WDR26: variants seen among roughly 807,000 people sequenced by gnomAD.
The protein encoded by WDR26 is WD repeat domain 26, also known as WD repeat-containing protein 26.
A neutral mutation model predicts 84.1 loss-of-function variants in WDR26; 5 were observed. The ratio of observed to expected loss-of-function variants is 0.06; its 90% CI spans 0.03 to 0.13. WDR26 has a LOEUF of 0.13. WDR26 is among the 10% of genes least tolerant of loss of function. WDR26 has a pLI of 1.00. For missense variants in WDR26, 642 were observed against 974.9 expected, an observed-to-expected ratio of 0.66 and a Z score of 4.55; for synonymous variants, 415 against 389.6, an observed-to-expected ratio of 1.07 and a Z score of -0.77.
Position 224,389,667 on chromosome 1 carries a change from T to C in WDR26, c.*168A>G, listed in dbSNP as rs184822774. 1.4e-6 allele frequency: 1 copy of C among 695,248 alleles called. No individual in the cohort carries two copies. Among genetic ancestry groups the C allele is most frequent in the East Asian group, 2.8e-5 (1 of 35,792 alleles). 43.1% of individuals were successfully genotyped at this position (695,248 alleles called of 1,614,324 possible). On this transcript the variant is annotated 3_prime_UTR_variant, in exon 14 of 14. Transcript: ENST00000414423. ...CGTGCTTCATCTCAACTGGTTACTA[T>C]GAAGCAAGGTGTAAATGTTTGGCCC...
Position 224,386,692 on chromosome 1 carries a change from C to T in WDR26, c.*3143G>A, listed in dbSNP as rs970686427. ...TTTCTCCTTTCAATTGCAGGATATT[C>T]TGATTATTTAAAGTTAGGGAATCCC... On this transcript the variant is annotated 3_prime_UTR_variant, in exon 14 of 14. Coordinates refer to ENST00000414423, the MANE Select transcript of WDR26 (RefSeq NM_001379403.1). 2 of 152,022 alleles carry T rather than the reference C, an allele frequency of 1.3e-5. No individual in the cohort carries two copies. The highest frequency in any genetic ancestry group is 2.4e-5 in the African/African-American group (1 of 41,388). The allele number at this position is 152,022 out of a possible 1,614,324, so 9.4% of individuals were successfully genotyped here. A position where few individuals can be genotyped will look rare whatever the true frequency, so the allele number is the denominator to read the frequency against.
chr1:224,434,730 C>G lies in WDR26; in HGVS notation c.-325G>C, dbSNP rs1022645196. On this transcript the variant is annotated 5_prime_UTR_variant, in exon 1 of 14. Coordinates refer to ENST00000414423, the MANE Select transcript of WDR26 (RefSeq NM_001379403.1). ...CGGGCGGCAGCGGAGGCAGCTGCCGCCTCTGTCCTCGGATCCGCTCCGCTC... is the reference window on the plus strand; with the variant it reads ...CGGGCGGCAGCGGAGGCAGCTGCCGGCTCTGTCCTCGGATCCGCTCCGCTC... 6 of 984,644 alleles carry G rather than the reference C, an allele frequency of 6.1e-6. No individual in the cohort carries two copies. The highest frequency in any genetic ancestry group is 1.8e-5 in the African/African-American group (1 of 57,000). 61.0% of individuals were successfully genotyped at this position (984,644 alleles called of 1,614,324 possible). A position where few individuals can be genotyped will look rare whatever the true frequency, so the allele number is the denominator to read the frequency against.
At chr1:224,392,801 A>G (rs1673163629) in intron 13 of WDR26, among the ~76,000 whole-genome samples, 1 of 152,170 alleles carries the variant, frequency 6.6e-6, no homozygotes, top group Non-Finnish European at 1.5e-5. Flanking sequence ...CACAAAGATA[A>G]AAGTGTAGGG....
intron 7 of WDR26, among the ~76,000 whole-genome samples, chr1:224,405,661 A>C (rs1673529803): frequency 6.6e-6 from 1 of 152,192 alleles, no homozygotes; most frequent in African/African-American, 2.4e-5. Flanking sequence ...AAAGTTTAGA[A>C]AGGTTAGAAA....
intron 4 of WDR26, among the ~76,000 whole-genome samples, 168 bp downstream of exon 4, chr1:224,424,350 G>C (rs1291023870): frequency 1.3e-5 from 2 of 152,062 alleles, no homozygotes; most frequent in Non-Finnish European, 2.9e-5. Context: ...ATCCTAATCT[G>C]AACAGTTTCC....
In WDR26 at chr1:224,433,957, G is replaced by A. The variant is rs1674504386; in HGVS notation, c.449C>T (p.Ala150Val). 1 of 1,532,172 alleles carries A rather than the reference G, an allele frequency of 6.5e-7. No homozygotes were observed. Among genetic ancestry groups the A allele is most frequent in the Non-Finnish European group, 8.7e-7 (1 of 1,143,438 alleles). The allele number at this position is 1,532,172 out of a possible 1,614,324, so 94.9% of individuals were successfully genotyped here. The stretch of plus-strand genomic sequence containing the variant: ...CCCATTGGCGTGGGCCAGGTCCCCC[G>A]CGGACGACGACGACGAGGGGGACGA... The change falls in exon 1 of 14, where the codon GCG becomes GTG. Residue 150 changes from alanine to valine, a missense_variant. Ala to Val is a moderately conservative substitution (Grantham distance 64). Around this residue, in one of 2 missense-constraint regions of WDR26, gnomAD observed 291 missense variants for 302.1 expected, o/e 0.96. Transcript: ENST00000414423.
rs186814058 is a variant in WDR26, at chr1:224,425,271, C to T, written c.928-617G>A. Reference sequence around the variant, plus strand: ...TTGAATTTCCTACAACTAACGTGGACAAGCATAAGCTTGATGCACTCACTC... The same window carrying T: ...TTGAATTTCCTACAACTAACGTGGATAAGCATAAGCTTGATGCACTCACTC... On this transcript the variant is annotated intron_variant, in intron 3 of 13. Transcript: ENST00000414423. 3.2e-3 allele frequency among the ~76,000 whole-genome samples: 482 copies of T among 152,314 alleles called. 1 individual carries two copies. Among genetic ancestry groups the T allele is most frequent in the Non-Finnish European group, 5.9e-3 (399 of 68,032 alleles).
Position 224,398,091 on chromosome 1 carries a change from AT to A in WDR26, c.2074+5del. Reference sequence around the variant, plus strand: ...ACATATGTAAACTGATAAGGACACAATTTACCTTCACTGCCACTAGCGATGA... The same window carrying A: ...ACATATGTAAACTGATAAGGACACAATTACCTTCACTGCCACTAGCGATGA... On this transcript the variant is annotated splice_donor_5th_base_variant and intron_variant, in intron 12 of 13. Coordinates refer to ENST00000414423, the MANE Select transcript of WDR26 (RefSeq NM_001379403.1). 6.2e-7 allele frequency: 1 copy of A among 1,612,430 alleles called. No individual in the cohort carries two copies.
In WDR26 at chr1:224,407,079, G is replaced by A. The variant is rs113719110; in HGVS notation, c.1459-2509C>T. ...GAAGGTTACAGTGAGCCAAGATTGCGCCACTGCACTCCAGCCTGGGCGACA... is the reference window on the plus strand; with the variant it reads ...GAAGGTTACAGTGAGCCAAGATTGCACCACTGCACTCCAGCCTGGGCGACA... On this transcript the variant is annotated intron_variant, in intron 7 of 13. Transcript: ENST00000414423. Among the ~76,000 whole-genome samples the A allele has an allele frequency of 9.3e-3, 1,182 of 126,894 alleles. 21 individuals are homozygous for A. The highest frequency in any genetic ancestry group is 0.034 in the African/African-American group (1,105 of 32,884). The allele number at this position is 126,894 out of a possible 152,430, so 83.2% of individuals were successfully genotyped here. A position where few individuals can be genotyped will look rare whatever the true frequency, so the allele number is the denominator to read the frequency against.
At chr1:224,419,047 T>C (rs1354817954) in intron 5 of WDR26, among the ~76,000 whole-genome samples, 1 of 152,192 alleles carries the variant, frequency 6.6e-6, no homozygotes, top group East Asian at 1.9e-4. Context: ...TATAGAATCA[T>C]ATAATTTTCA....
At chr1:224,413,740 C>G (rs1673804919) in intron 6 of WDR26, among the ~76,000 whole-genome samples, 1 of 152,194 alleles carries the variant, frequency 6.6e-6, no homozygotes, top group Non-Finnish European at 1.5e-5. Flanking sequence ...TTTCAAGGCA[C>G]TGCTGGACAA....
Position 224,424,536 on chromosome 1 carries a change from C to A in WDR26, c.1046G>T (p.Arg349Leu), listed in dbSNP as rs772952060. 6.2e-7 allele frequency: 1 copy of A among 1,613,890 alleles called. No individual in the cohort carries two copies. Among genetic ancestry groups the A allele is most frequent in the Non-Finnish European group, 8.5e-7 (1 of 1,179,850 alleles). ...TCCTTACCCACTAAGAACATGAATG[C>A]GCTCTGTATTGTATTTCAGCGGCGT... Residue 349 changes from arginine to leucine, a missense_variant, in exon 4 of 14, where the codon CGC becomes CTC. Physicochemically the swap from Arg to Leu is moderately radical, Grantham distance 102 (BLOSUM62 -2). This residue lies in a region of WDR26 where 351 missense variants were observed against 672.8 expected (regional missense o/e 0.52). Transcript: ENST00000414423.
At position 224,387,606 on chromosome 1, in the gene WDR26, TA is replaced by T. The variant is rs1482514817; in HGVS notation, c.*2228del. ...CAGATCTAGGGGTGGTTAGGTGAAG[TA>T]GAGTAGAATCTGAGTGCCAAATTGC... On this transcript the variant is annotated 3_prime_UTR_variant, in exon 14 of 14. Transcript: ENST00000414423. The T allele has an allele frequency of 6.6e-6, 1 of 152,614 alleles. No individual in the cohort carries two copies. The highest frequency in any genetic ancestry group is 1.5e-5 in the Non-Finnish European group (1 of 68,022). 9.5% of individuals were successfully genotyped at this position (152,614 alleles called of 1,614,324 possible).
chr1:224,433,612 C>T, intron 1 of WDR26, 72 bp downstream of exon 1: 1 of 900,960 alleles, frequency 1.1e-6, no homozygotes, highest in Non-Finnish European at 1.5e-6. Context: ...CCCCCTCCGC[C>T]CCTTCCCCTA....
chr1:224,401,138 A>G, intron 8 of WDR26, 69 bp from the exon 9 acceptor site: 2 of 1,465,070 alleles, frequency 1.4e-6, no homozygotes, highest in Non-Finnish European at 1.8e-6. Context: ...TGAGAAAAAA[A>G]AAATAACTGG....
chr1:224,397,342 G>A (rs886792046), intron 12 of WDR26, among the ~76,000 whole-genome samples: 28 of 152,254 alleles, frequency 1.8e-4, no homozygotes, highest in Admixed American at 5.9e-4. Flanking sequence ...AATGTACAGT[G>A]GGTATTGAAG....
At chr1:224,433,495 C>T (rs1674468295) in intron 1 of WDR26, among the ~76,000 whole-genome samples, 189 bp downstream of exon 1, 2 of 152,122 alleles carry the variant, frequency 1.3e-5, no homozygotes, top group African/African-American at 4.8e-5. Context: ...TATTTCCTTT[C>T]AGGTCCGCTC....
intron 11 of WDR26, 35 bp downstream of exon 11, chr1:224,398,480 C>A: frequency 6.5e-7 from 1 of 1,549,284 alleles, no homozygotes; most frequent in South Asian, 1.2e-5. Flanking sequence ...TTGTACTAAG[C>A]CAAATTTTTC....
intron 7 of WDR26, among the ~76,000 whole-genome samples, chr1:224,408,061 A>C (rs567747296): frequency 6.6e-6 from 1 of 152,308 alleles, no homozygotes; most frequent in East Asian, 1.9e-4. Context: ...TTCCTGCAAA[A>C]ACACTCTGGG....
Sources: gnomAD v4.1 joint callset for allele counts (sites outside exome capture counted in the v4.1 genomes callset) on GRCh38, gnomAD v4.1.1 for gene constraint, gnomAD v4.1.1 regional missense constraint, MANE v1.5 for transcripts, NCBI Gene and HGNC (gene_info 2026-07-23, HGNC 2026-07-21) for gene names.